Variants in FAM98B observed in about 807,000 individuals in gnomAD.
The protein encoded by FAM98B is tRNA-splicing ligase complex subunit FAM98B.
Under a neutral mutation model 43.9 loss-of-function variants are expected in FAM98B, and 32 were observed. The observed-to-expected ratio is 0.73, with a 90% CI of 0.55 to 0.98. The LOEUF is 0.98. FAM98B is among the 50% of genes least tolerant of loss of function. The pLI, the probability that FAM98B is intolerant of heterozygous loss-of-function variation, is 0.00. For synonymous variants in FAM98B, 190 were observed against 174.0 expected (o/e 1.09, Z -0.72); for missense variants, 514 against 522.9 (o/e 0.98, Z 0.17).
intron 1 of FAM98B, among the ~76,000 whole-genome samples, chr15:38,461,766 A>G (rs1313752598): frequency 1.3e-5 from 2 of 152,164 alleles, no homozygotes; most frequent in East Asian, 3.8e-4. Context: ...AAATGTAGAT[A>G]AAACTATACT....
intron 1 of FAM98B, among the ~76,000 whole-genome samples, chr15:38,457,055 G>A (rs1889860296): frequency 6.6e-6 from 1 of 152,216 alleles, no homozygotes; most frequent in Admixed American, 6.5e-5. Flanking sequence ...ATGGAAAATA[G>A]ATTGGAGAAT....
intron 1 of FAM98B, among the ~76,000 whole-genome samples, chr15:38,462,156 T>C (rs1475020394): frequency 1.3e-5 from 2 of 150,802 alleles, no homozygotes; most frequent in African/African-American, 4.8e-5. Flanking sequence ...ATGTATGTGT[T>C]TAAAGCAAGG....
chr15:38,463,921 C>G, intron 1 of FAM98B, 111 bp from the exon 2 acceptor site: 1 of 1,029,572 alleles, frequency 9.7e-7, no homozygotes, highest in Non-Finnish European at 1.4e-6. Flanking sequence ...TGGCTGTGTT[C>G]CAATAACATT....
intron 2 of FAM98B, among the ~76,000 whole-genome samples, chr15:38,464,576 G>A (rs1889999030): frequency 6.6e-6 from 1 of 151,912 alleles, no homozygotes; most frequent in Admixed American, 6.6e-5. Flanking sequence ...GAAGCTTGTA[G>A]CTCAGGATAT....
chr15:38,478,534 A>G (rs1455163367), intron 6 of FAM98B, among the ~76,000 whole-genome samples: 2 of 152,196 alleles, frequency 1.3e-5, no homozygotes, highest in African/African-American at 4.8e-5. Flanking sequence ...TTTGTTCTAC[A>G]GCAGTTTAAA....
chr15:38,455,557 T>C (rs187906530), intron 1 of FAM98B, among the ~76,000 whole-genome samples: 1 of 152,320 alleles, frequency 6.6e-6, no homozygotes, highest in Admixed American at 6.5e-5. Flanking sequence ...ACAGTGCCAT[T>C]GATTATTTAG....
chr15:38,479,001 C>A (rs969527650), intron 6 of FAM98B, among the ~76,000 whole-genome samples: 1 of 151,618 alleles, frequency 6.6e-6, no homozygotes, highest in African/African-American at 2.4e-5. Context: ...TTGTTGTTGC[C>A]CAGGCTGGAG....
intron 1 of FAM98B, among the ~76,000 whole-genome samples, chr15:38,455,469 A>G (rs1342587549): frequency 6.6e-6 from 1 of 152,218 alleles, no homozygotes; most frequent in African/African-American, 2.4e-5. Flanking sequence ...AACCCTGATA[A>G]TACCTACTTT....
intron 3 of FAM98B, among the ~76,000 whole-genome samples, chr15:38,466,891 C>G (rs1890042441): frequency 6.6e-6 from 1 of 152,166 alleles, no homozygotes. Flanking sequence ...CACTCGCACT[C>G]ACTCTTAAAT....
At chr15:38,474,697 G>A (rs1245770618) in intron 6 of FAM98B, among the ~76,000 whole-genome samples, 4 of 152,168 alleles carry the variant, frequency 2.6e-5, no homozygotes, top group East Asian at 3.9e-4. Flanking sequence ...ATGTGTTTCA[G>A]TTGAAGAGGG....
intron 6 of FAM98B, 56 bp downstream of exon 6, chr15:38,474,354 G>T: frequency 1.6e-6 from 2 of 1,217,786 alleles, no homozygotes; most frequent in South Asian, 1.4e-5. Flanking sequence ...CAGCTCTTCT[G>T]GCTTGCTTGT....
At chr15:38,469,584 A>G (rs1464678438) in intron 3 of FAM98B, among the ~76,000 whole-genome samples, 1 of 152,190 alleles carries the variant, frequency 6.6e-6, no homozygotes, top group African/African-American at 2.4e-5. Flanking sequence ...CATTGTTCAC[A>G]CCGTTCCTGG....
At chr15:38,469,603 A>G (rs1355827585) in intron 3 of FAM98B, among the ~76,000 whole-genome samples, 4 of 151,632 alleles carry the variant, frequency 2.6e-5, no homozygotes, top group Non-Finnish European at 2.9e-5. Flanking sequence ...GGCTCAGAAC[A>G]GGTCCTTGGT....
At chr15:38,471,006 G>C (rs1424779817) in intron 4 of FAM98B, among the ~76,000 whole-genome samples, 2 of 151,372 alleles carry the variant, frequency 1.3e-5, no homozygotes, top group East Asian at 1.9e-4. Context: ...CCATATATTA[G>C]AGAGGATGCT....
In FAM98B at chr15:38,474,279, G is replaced by C; in HGVS notation, c.710G>C (p.Gly237Ala). Reference protein sequence around the residue: ...KRLDVTVQSFGWSDRAKVKTD... With the variant: ...KRLDVTVQSFAWSDRAKVKTD... ...TTAGATGTGACTGTACAGTCCTTTG[G>C]ATGGTCTGATAGAGCAAAGGTAAGG... Residue 237 changes from glycine (G) to alanine (A), a missense_variant, in exon 6 of 8, where the codon GGA (glycine) becomes GCA (alanine). This residue lies in a region of FAM98B where 469 missense variants were observed against 451.8 expected (regional missense o/e 1.04). Coordinates refer to ENST00000397609, the MANE Select transcript of FAM98B (RefSeq NM_173611.4). 6.2e-7 allele frequency: 1 copy of C among 1,612,624 alleles called. No homozygotes were observed. Among genetic ancestry groups the C allele is most frequent in the East Asian group, 2.2e-5 (1 of 44,844 alleles).
intron 1 of FAM98B, among the ~76,000 whole-genome samples, chr15:38,462,031 G>A (rs1203335008): frequency 1.3e-5 from 2 of 152,044 alleles, no homozygotes; most frequent in African/African-American, 4.8e-5. Flanking sequence ...AGTAGATGCC[G>A]ATTAAATAAA....
Position 38,479,455 on chromosome 15 carries a change from A to G in FAM98B, c.730-1837A>G, listed in dbSNP as rs191180277. 4.3e-3 allele frequency among the ~76,000 whole-genome samples: 649 copies of G among 152,220 alleles called. 1 individual carries two copies. The highest frequency in any genetic ancestry group is 6.6e-3 in the Non-Finnish European group (447 of 68,014). Reference sequence around the variant, plus strand: ...TTACTATAATATACTTTACATTTCCATGGATTTGCCTATCTGGACATTTCA... The same window carrying G: ...TTACTATAATATACTTTACATTTCCGTGGATTTGCCTATCTGGACATTTCA... On this transcript the variant is annotated intron_variant, in intron 6 of 7. Transcript: ENST00000397609.
intron 4 of FAM98B, 58 bp downstream of exon 4, chr15:38,470,463 A>T (rs1566899194): frequency 7.1e-7 from 1 of 1,410,718 alleles, no homozygotes. Flanking sequence ...TGTAAGTGCT[A>T]TATTAAAAAT....
intron 1 of FAM98B, among the ~76,000 whole-genome samples, chr15:38,458,131 A>G (rs780575165): frequency 2.0e-5 from 3 of 152,188 alleles, no homozygotes; most frequent in Non-Finnish European, 4.4e-5. Context: ...GAAAGGGCCC[A>G]TGCCAGGCAC....
Sources: gnomAD v4.1 joint callset for allele counts (sites outside exome capture counted in the v4.1 genomes callset) on GRCh38, gnomAD v4.1.1 for gene constraint, gnomAD v4.1.1 regional missense constraint, MANE v1.5 for transcripts, NCBI Gene and HGNC (gene_info 2026-07-23, HGNC 2026-07-21) for gene names.